QTMAN: variants seen among roughly 807,000 people sequenced by gnomAD.
QTMAN encodes the protein tRNA-queuosine alpha-mannosyltransferase.
At chr2:144,237,184 T>C in the QTMAN span, 1 of 152,006 alleles carries the variant, frequency 6.6e-6, no homozygotes, top group Non-Finnish European at 1.5e-5. Context: ...TTGTGATACA[T>C]GATATGAAAA....
the QTMAN span, among the ~76,000 whole-genome samples, chr2:144,176,533 G>A: frequency 1.3e-5 from 2 of 151,896 alleles, no homozygotes; most frequent in Admixed American, 1.3e-4. Context: ...TATAAAAACT[G>A]GAAAGAAATA....
the QTMAN span, among the ~76,000 whole-genome samples, chr2:144,264,359 C>T: frequency 6.6e-6 from 1 of 152,168 alleles, no homozygotes; most frequent in Admixed American, 6.5e-5. Context: ...AAATCCTTCA[C>T]CATCTGGTTC....
chr2:144,043,190 G>A, the QTMAN span, among the ~76,000 whole-genome samples: 1 of 151,956 alleles, frequency 6.6e-6, no homozygotes, highest in South Asian at 2.1e-4. Context: ...ATATTGATCA[G>A]AGTTTTTACA....
the QTMAN span, among the ~76,000 whole-genome samples, chr2:144,043,165 G>T: frequency 1.3e-5 from 2 of 151,834 alleles, no homozygotes; most frequent in Non-Finnish European, 2.9e-5. Context: ...CCGCAGTTTG[G>T]AGTAGTTAAT....
At chr2:144,259,230 C>T in the QTMAN span, among the ~76,000 whole-genome samples, 3 of 152,202 alleles carry the variant, frequency 2.0e-5, no homozygotes, top group Non-Finnish European at 4.4e-5. Flanking sequence ...ACAATCTCAG[C>T]TCACTGCAGC....
chr2:144,153,411 TA>T, the QTMAN span, among the ~76,000 whole-genome samples: 3 of 152,112 alleles, frequency 2.0e-5, no homozygotes, highest in Non-Finnish European at 4.4e-5. Context: ...ACAGAAGATA[TA>T]AAACCAGTTC....
chr2:144,022,624 C>T, the QTMAN span, among the ~76,000 whole-genome samples: 1 of 137,188 alleles, frequency 7.3e-6, no homozygotes, highest in South Asian at 2.3e-4. Context: ...AGTGCAGTGG[C>T]ACGATCTCGG....
chr2:143,963,896 T>C, the QTMAN span: 2 of 152,190 alleles, frequency 1.3e-5, no homozygotes, highest in Admixed American at 1.3e-4. Flanking sequence ...TCAATCATAT[T>C]CTCGGGAAAG....
the QTMAN span, among the ~76,000 whole-genome samples, chr2:144,231,886 GTGTGTGT>G: frequency 5.8e-5 from 8 of 136,902 alleles, 1 homozygote; most frequent in Admixed American, 3.0e-4. Context: ...GTGTGTGTGT[GTGTGTGT>G]TATCTTTACT....
At chr2:144,145,840 C>T in the QTMAN span, 3 of 889,782 alleles carry the variant, frequency 3.4e-6, no homozygotes, top group Admixed American at 4.6e-5. Context: ...AAGAAAAACA[C>T]ATCCCCTATA....
At chr2:143,950,846 CAAG>C in the QTMAN span, 43 of 151,858 alleles carry the variant, frequency 2.8e-4, no homozygotes, top group South Asian at 4.2e-4. Flanking sequence ...ACTATTGACT[CAAG>C]GAGTAATACT....
chr2:144,271,967 A>G, the QTMAN span, among the ~76,000 whole-genome samples: 1 of 152,170 alleles, frequency 6.6e-6, no homozygotes, highest in Non-Finnish European at 1.5e-5. Flanking sequence ...CCCAAAGGTA[A>G]CCACTTTGCT....
the QTMAN span, among the ~76,000 whole-genome samples, chr2:143,995,480 C>A: frequency 2.6e-5 from 4 of 152,186 alleles, no homozygotes; most frequent in East Asian, 7.7e-4. Flanking sequence ...ACTGTGCTAA[C>A]GCAATTACAT....
the QTMAN span, among the ~76,000 whole-genome samples, chr2:144,163,730 T>C: frequency 6.6e-6 from 1 of 152,196 alleles, no homozygotes. Flanking sequence ...AACCCCACAA[T>C]GCATAGATAC....
At chr2:143,976,965 T>C in the QTMAN span, among the ~76,000 whole-genome samples, 1 of 152,170 alleles carries the variant, frequency 6.6e-6, no homozygotes, top group Non-Finnish European at 1.5e-5. Context: ...GCAGATACAT[T>C]ATATAACCGT....
the QTMAN span, among the ~76,000 whole-genome samples, chr2:144,244,517 C>T: frequency 1.3e-5 from 2 of 152,060 alleles, no homozygotes; most frequent in Non-Finnish European, 2.9e-5. Flanking sequence ...TTGGGGGAGG[C>T]TTTGTATTTT....
the QTMAN span, among the ~76,000 whole-genome samples, chr2:144,034,851 T>G: frequency 3.9e-5 from 6 of 152,332 alleles, no homozygotes; most frequent in African/African-American, 1.2e-4. Context: ...ACCACTTTAG[T>G]GACAGCCCAA....
At chr2:144,158,410 A>G in the QTMAN span, among the ~76,000 whole-genome samples, 1 of 151,944 alleles carries the variant, frequency 6.6e-6, no homozygotes, top group Non-Finnish European at 1.5e-5. Flanking sequence ...AACAGCAGGT[A>G]GTGGATATGC....
At chr2:144,072,349 G>T in the QTMAN span, among the ~76,000 whole-genome samples, 1 of 152,188 alleles carries the variant, frequency 6.6e-6, no homozygotes, top group Non-Finnish European at 1.5e-5. Flanking sequence ...GTATGTGTCT[G>T]TGTAAAGACA....
Sources: allele counts gnomAD v4.1 joint callset (sites outside exome capture counted in the v4.1 genomes callset), GRCh38; gene constraint gnomAD v4.1.1; transcripts MANE v1.5; gene names NCBI Gene and HGNC (gene_info 2026-07-23, HGNC 2026-07-21).